Variants in UBL5 observed in about 807,000 individuals in gnomAD.
UBL5 encodes ubiquitin like 5, also known as ubiquitin-like protein 5.
A neutral mutation model predicts 11.7 loss-of-function variants in UBL5; 13 were observed. The ratio of observed to expected loss-of-function variants is 1.11; its 90% CI spans 0.73 to 1.77. UBL5 has a LOEUF of 1.77. UBL5 is among the 40% of genes most tolerant of loss of function. UBL5 has a pLI of 0.00. For synonymous variants in UBL5, 28 were observed against 34.7 expected (o/e 0.81, Z 0.68); for missense variants, 58 against 92.3 (o/e 0.63, Z 1.52).
chr19:9,829,142 T>C lies in UBL5; in HGVS notation c.178+268T>C, dbSNP rs553347909. ...GTCAGGGTGGGGTGAGACTCAGGCA[T>C]ATCTATTGTGCAAAAGGAGCAGAAA... On this transcript the variant is annotated intron_variant, in intron 4 of 4. Coordinates refer to ENST00000586895, the MANE Select transcript of UBL5 (RefSeq NM_001048241.3). 6.2e-5 allele frequency: 32 copies of C among 515,898 alleles called. 1 individual carries two copies. In the Admixed American group the frequency reaches 1.0e-3, roughly 17 times the overall value. The allele number at this position is 515,898 out of a possible 1,614,324, so 32.0% of individuals were successfully genotyped here.
At position 9,828,321 on chromosome 19, in the gene UBL5, G is replaced by A; in HGVS notation, c.-11-6G>A. The A allele has an allele frequency of 1.4e-6, 2 of 1,451,296 alleles. No individual in the cohort carries two copies. Among genetic ancestry groups the A allele is most frequent in the Non-Finnish European group, 1.9e-6 (2 of 1,040,110 alleles). 89.9% of individuals were successfully genotyped at this position (1,451,296 alleles called of 1,614,324 possible). On this transcript the variant is annotated splice_polypyrimidine_tract_variant and splice_region_variant and intron_variant, in intron 1 of 4. Coordinates refer to ENST00000586895, the MANE Select transcript of UBL5 (RefSeq NM_001048241.3). Reference sequence around the variant, plus strand: ...CTGCCTCCCACCCACCCCCCGCTTTGTGTAGCTCCAGCTAGGATGATCGAG... The same window carrying A: ...CTGCCTCCCACCCACCCCCCGCTTTATGTAGCTCCAGCTAGGATGATCGAG...
intron 1 of UBL5, 38 bp from the exon 2 acceptor site, chr19:9,828,289 G>A: frequency 6.2e-7 from 1 of 1,602,886 alleles, no homozygotes; most frequent in Non-Finnish European, 8.5e-7. Flanking sequence ...CTGAAGCTCT[G>A]ACTTTGCTGC....
rs2046033227 is a variant in UBL5, at chr19:9,827,981, C to G, written c.-15C>G. Reference sequence around the variant, plus strand: ...TGGCGTCGGCAGGTTCGAGGCGATTCGAGGTGAGGGGGTCAAGCGGAGAGG... The same window carrying G: ...TGGCGTCGGCAGGTTCGAGGCGATTGGAGGTGAGGGGGTCAAGCGGAGAGG... On this transcript the variant is annotated 5_prime_UTR_variant, in exon 1 of 5. Transcript: ENST00000586895. The G allele has an allele frequency of 5.4e-6, 2 of 371,782 alleles. No individual in the cohort carries two copies. The highest frequency in any genetic ancestry group is 5.3e-5 in the East Asian group (1 of 18,712). 23.0% of individuals were successfully genotyped at this position (371,782 alleles called of 1,614,324 possible).
intron 4 of UBL5, 100 bp from the exon 5 acceptor site, chr19:9,829,865 G>A (rs1172614993): frequency 2.9e-6 from 4 of 1,400,074 alleles, no homozygotes; most frequent in East Asian, 2.3e-5. Context: ...GGCTTCCTTA[G>A]CCCTGGGCTG....
intron 1 of UBL5, 137 bp from the exon 2 acceptor site, chr19:9,828,189 TG>T: frequency 3.8e-6 from 3 of 799,524 alleles, no homozygotes; most frequent in Non-Finnish European, 4.1e-6. Flanking sequence ...TCCGGGGGGT[TG>T]GGGGCAGAAC....
chr19:9,828,753 C>T, intron 3 of UBL5, 78 bp downstream of exon 3: 2 of 1,610,590 alleles, frequency 1.2e-6, no homozygotes, highest in Non-Finnish European at 1.7e-6. Flanking sequence ...GCAGGCAGCC[C>T]TTTGCTTAGG....
chr19:9,828,612 A>G lies in UBL5; in HGVS notation c.77A>G (p.Asp26Gly). The change falls in exon 3 of 5, where the codon GAC becomes GGC. Residue 26 changes from aspartate (D) to glycine (G), a missense_variant. Physicochemically the swap from Asp to Gly is moderately conservative, Grantham distance 94. Coordinates refer to ENST00000586895, the MANE Select transcript of UBL5 (RefSeq NM_001048241.3). ...CCCAGCACGGATGATACCATCGGGG[A>G]CCTTAAGAAGCTGATTGCAGCCCAA... ...VKCNTDDTIG[D>G]LKKLIAAQTG... The G allele has an allele frequency of 6.2e-7, 1 of 1,614,068 alleles. No individual in the cohort carries two copies. Among genetic ancestry groups the G allele is most frequent in the Non-Finnish European group, 8.5e-7 (1 of 1,180,024 alleles).
chr19:9,828,559 C>T, intron 2 of UBL5, 33 bp from the exon 3 acceptor site: 2 of 1,613,666 alleles, frequency 1.2e-6, no homozygotes, highest in African/African-American at 1.3e-5. Flanking sequence ...CTCGTTCTAC[C>T]GCTTCCATTT....
chr19:9,830,057 C>G lies in UBL5; in HGVS notation c.*49C>G. On this transcript the variant is annotated 3_prime_UTR_variant, in exon 5 of 5. Coordinates refer to ENST00000586895, the MANE Select transcript of UBL5 (RefSeq NM_001048241.3). ...CCGCTTTCCTCTCCCATCCTCATCC[C>G]CCACACTGGGATAGATGCTTGTTTG... The G allele has an allele frequency of 6.2e-7, 1 of 1,608,422 alleles. No homozygotes were observed. The highest frequency in any genetic ancestry group is 1.1e-5 in the South Asian group (1 of 90,876).
rs2046047002 is a variant in UBL5, at chr19:9,830,002, T to C, written c.216T>C (p.Tyr72=). 2 of 1,614,012 alleles carry C rather than the reference T, an allele frequency of 1.2e-6. No homozygotes were observed. The highest frequency in any genetic ancestry group is 2.2e-5 in the East Asian group (1 of 44,880). Residue 72 remains tyrosine (Y), a synonymous_variant, in exon 5 of 5, where the codon TAT becomes TAC. Transcript: ENST00000586895. ...IHDGMNLELY[Y]Q is the part of the protein sequence containing the mutation. ...ATGGGATGAACCTGGAGCTTTATTA[T>C]CAATAGATGAGAATCCTCATCTTCC...
chr19:9,828,550 T>A, intron 2 of UBL5, 42 bp from the exon 3 acceptor site: 1 of 1,613,616 alleles, frequency 6.2e-7, no homozygotes. Flanking sequence ...GTCCTCTTCC[T>A]CGTTCTACCG....
chr19:9,827,922 G>A lies in UBL5; in HGVS notation c.-74G>A, dbSNP rs2046032023. 2 of 261,022 alleles carry A rather than the reference G, an allele frequency of 7.7e-6. No individual in the cohort carries two copies. The highest frequency in any genetic ancestry group is 1.5e-5 in the Non-Finnish European group (2 of 132,296). 16.2% of individuals were successfully genotyped at this position (261,022 alleles called of 1,614,324 possible). On this transcript the variant is annotated 5_prime_UTR_variant, in exon 1 of 5. Coordinates refer to ENST00000586895, the MANE Select transcript of UBL5 (RefSeq NM_001048241.3). ...CCGCTTCCGGTTCCTAGCGTTAACTGCGACCGGGGTTCAGCGCTCGGGTGA... is the reference window on the plus strand; with the variant it reads ...CCGCTTCCGGTTCCTAGCGTTAACTACGACCGGGGTTCAGCGCTCGGGTGA...
At chr19:9,829,742 C>T (rs1281336705) in intron 4 of UBL5, 1 of 512,862 alleles carries the variant, frequency 1.9e-6, no homozygotes, top group Non-Finnish European at 3.5e-6. Context: ...AGTGAGCCAC[C>T]TGCTTCGTCC....
Position 9,828,718 on chromosome 19 carries a change from G to A in UBL5, c.140+43G>A, listed in dbSNP as rs749200557. On this transcript the variant is annotated intron_variant, in intron 3 of 4. Coordinates refer to ENST00000586895, the MANE Select transcript of UBL5 (RefSeq NM_001048241.3). ...GCCACTGGGTGGACTGGACTAGGCC[G>A]GAAGGTTTTGGTTGGGGGAGCGCTG... is the stretch of plus-strand genomic sequence containing the variant. 1.5e-5 allele frequency: 25 copies of A among 1,613,432 alleles called. 1 individual carries two copies. The South Asian group carries it at 2.7e-4, about 18-fold the overall frequency.
chr19:9,828,349 T>G lies in UBL5; in HGVS notation c.12T>G (p.Val4=), dbSNP rs760241970. Residue 4 remains valine (V), a synonymous_variant, in exon 2 of 5, where the codon GTT becomes GTG. Transcript: ENST00000586895. ...TAGCTCCAGCTAGGATGATCGAGGT[T>G]GTTTGCAACGACCGTCTGGGGAAGA... MIE[V]VCNDRLGKKV... The G allele has an allele frequency of 6.2e-7, 1 of 1,614,048 alleles. No homozygotes were observed. The highest frequency in any genetic ancestry group is 1.7e-5 in the Admixed American group (1 of 60,004).
rs544925815 is a variant in UBL5, at chr19:9,828,400, A to G, written c.56+7A>G. 2.0e-5 allele frequency: 32 copies of G among 1,614,052 alleles called. No homozygotes were observed. The highest frequency in any genetic ancestry group is 1.8e-4 in the East Asian group (8 of 44,864). ...AGGTCCGCGTTAAATGCAAGTATCCACTGGCAGCCGAGAGGCAGTGGTACC... is the reference window on the plus strand; with the variant it reads ...AGGTCCGCGTTAAATGCAAGTATCCGCTGGCAGCCGAGAGGCAGTGGTACC... On this transcript the variant is annotated splice_region_variant and intron_variant, in intron 2 of 4. Coordinates refer to ENST00000586895, the MANE Select transcript of UBL5 (RefSeq NM_001048241.3).
chr19:9,828,186 G>T (rs550288323), intron 1 of UBL5, 141 bp from the exon 2 acceptor site: 2 of 778,460 alleles, frequency 2.6e-6, no homozygotes, highest in East Asian at 5.3e-5. Flanking sequence ...GAGTCCGGGG[G>T]GTTGGGGGCA....
Position 9,827,995 on chromosome 19 carries a change from C to T in UBL5, c.-12+11C>T. On this transcript the variant is annotated intron_variant, in intron 1 of 4. Coordinates refer to ENST00000586895, the MANE Select transcript of UBL5 (RefSeq NM_001048241.3). ...TCGAGGCGATTCGAGGTGAGGGGGT[C>T]AAGCGGAGAGGCTCGGAGTCGGAGA... 2.5e-6 allele frequency: 1 copy of T among 407,230 alleles called. No homozygotes were observed. The highest frequency in any genetic ancestry group is 4.5e-6 in the Non-Finnish European group (1 of 222,172). The allele number at this position is 407,230 out of a possible 1,614,324, so 25.2% of individuals were successfully genotyped here.
intron 1 of UBL5, 22 bp from the exon 2 acceptor site, chr19:9,828,305 A>G: frequency 7.8e-7 from 1 of 1,287,768 alleles, no homozygotes; most frequent in South Asian, 1.2e-5. Flanking sequence ...GCTGCCTCCC[A>G]CCCACCCCCC....
Sources: gnomAD v4.1 joint callset for allele counts on GRCh38, gnomAD v4.1.1 for gene constraint, MANE v1.5 for transcripts, NCBI Gene and HGNC (gene_info 2026-07-23, HGNC 2026-07-21) for gene names.